Variants in GALNT13 observed in about 807,000 individuals in gnomAD.
GALNT13 encodes UDP-GalNAc:polypeptide N-acetylgalactosaminyltransferase 13.
GALNT13 carries 28 observed loss-of-function variants against 64.2 expected under a neutral mutation model. That is an observed-to-expected ratio of 0.44 (90% confidence interval 0.32 to 0.60). The LOEUF is 0.60. GALNT13 is among the 20% of genes least tolerant of loss of function. The pLI is 0.05. For missense variants in GALNT13, 577 were observed against 669.8 expected (o/e 0.86, Z 1.53); for synonymous variants, 214 against 224.6 (o/e 0.95, Z 0.42).
At chr2:153,457,615 A>C in the GALNT13 span, among the ~76,000 whole-genome samples, 3 of 152,180 alleles carry the variant, frequency 2.0e-5, no homozygotes, top group Non-Finnish European at 4.4e-5. Context: ...AAATGAGAAA[A>C]CCAAGACTCT....
chr2:153,494,815 T>C, the GALNT13 span, among the ~76,000 whole-genome samples: 1 of 151,978 alleles, frequency 6.6e-6, no homozygotes, highest in Non-Finnish European at 1.5e-5. Context: ...ACAAAAGAAG[T>C]AAGCCACATA....
chr2:154,180,444 T>A (rs994901486), intron 4 of GALNT13, among the ~76,000 whole-genome samples: 2 of 152,082 alleles, frequency 1.3e-5, no homozygotes, highest in Admixed American at 6.6e-5. Context: ...AAAATACAAA[T>A]ATTGCTGTTT....
chr2:154,066,255 C>CT (rs1479140141), intron 3 of GALNT13, among the ~76,000 whole-genome samples: 3 of 151,968 alleles, frequency 2.0e-5, no homozygotes, highest in Admixed American at 6.6e-5. Context: ...AAGGGCAAAT[C>CT]TAACAGTTAT....
At chr2:153,886,265 G>T (rs1687173612) in intron 1 of GALNT13, among the ~76,000 whole-genome samples, 1 of 151,190 alleles carries the variant, frequency 6.6e-6, no homozygotes, top group Admixed American at 6.6e-5. Flanking sequence ...ACAACGTGCA[G>T]GTTTGTTATG....
At chr2:154,064,768 G>A (rs902881760) in intron 3 of GALNT13, among the ~76,000 whole-genome samples, 4 of 152,146 alleles carry the variant, frequency 2.6e-5, no homozygotes, top group Non-Finnish European at 5.9e-5. Context: ...GTAAGACTGA[G>A]ACATGCTGGC....
chr2:153,533,723 C>CTTTTT, the GALNT13 span, among the ~76,000 whole-genome samples: 76 of 48,708 alleles, frequency 1.6e-3, 9 homozygotes, highest in African/African-American at 5.7e-3. Flanking sequence ...TGAGGTTTTT[C>CTTTTT]TTTTTTTTTT....
chr2:154,164,981 A>C (rs1334039086), intron 4 of GALNT13, among the ~76,000 whole-genome samples: 3 of 152,128 alleles, frequency 2.0e-5, no homozygotes, highest in Non-Finnish European at 4.4e-5. Flanking sequence ...GAATAACGAT[A>C]TCTTTAATAC....
chr2:153,187,085 A>C, the GALNT13 span, among the ~76,000 whole-genome samples: 1 of 152,248 alleles, frequency 6.6e-6, no homozygotes, highest in African/African-American at 2.4e-5. Context: ...ATCCAAATTT[A>C]AGCAACTTTC....
At position 154,252,794 on chromosome 2, in the gene GALNT13, A is replaced by G. The variant is rs557266796; in HGVS notation, c.858-6227A>G. On this transcript the variant is annotated intron_variant, in intron 7 of 12. Coordinates refer to ENST00000392825, the MANE Select transcript of GALNT13 (RefSeq NM_052917.4). ...AGATAGATAGATAATAGATAAGGAA[A>G]GGAGAGGAGAGAAGAGGAGAGGAGA... is the stretch of plus-strand genomic sequence containing the variant. Among the ~76,000 whole-genome samples, 13 of 152,132 alleles carry G rather than the reference A, an allele frequency of 8.5e-5. No individual in the cohort carries two copies. In the South Asian group the frequency reaches 1.4e-3, roughly 17 times the overall value.
chr2:153,403,181 C>G, the GALNT13 span, among the ~76,000 whole-genome samples: 4 of 150,144 alleles, frequency 2.7e-5, no homozygotes, highest in African/African-American at 9.8e-5. Context: ...GTTGGAGTAC[C>G]CTGCCGTGTG....
At chr2:153,676,454 A>G in the GALNT13 span, among the ~76,000 whole-genome samples, 1 of 151,996 alleles carries the variant, frequency 6.6e-6, no homozygotes, top group African/African-American at 2.4e-5. Flanking sequence ...AGTAGATACC[A>G]CTCCTACTGA....
the GALNT13 span, among the ~76,000 whole-genome samples, chr2:153,351,630 C>T: frequency 1.3e-5 from 2 of 152,176 alleles, no homozygotes; most frequent in African/African-American, 2.4e-5. Flanking sequence ...ATCTTTCTCT[C>T]CCCAACCCTT....
the GALNT13 span, among the ~76,000 whole-genome samples, chr2:153,180,212 A>G: frequency 6.6e-6 from 1 of 152,120 alleles, no homozygotes. Context: ...TCTATACCTA[A>G]TTTGTTGAAA....
At chr2:154,070,277 A>G (rs2105387473) in intron 3 of GALNT13, among the ~76,000 whole-genome samples, 1 of 152,248 alleles carries the variant, frequency 6.6e-6, no homozygotes, top group African/African-American at 2.4e-5. Flanking sequence ...CTTCCTTATT[A>G]CTAAACATGA....
At chr2:153,847,888 A>C in the GALNT13 span, among the ~76,000 whole-genome samples, 2 of 152,142 alleles carry the variant, frequency 1.3e-5, no homozygotes, top group Non-Finnish European at 2.9e-5. Context: ...GATTTTACCT[A>C]AAGGTTCAGC....
chr2:154,250,348 A>G (rs886095096), intron 7 of GALNT13, among the ~76,000 whole-genome samples: 10 of 152,064 alleles, frequency 6.6e-5, no homozygotes, highest in Non-Finnish European at 1.2e-4. Flanking sequence ...TAAATTTGAT[A>G]TATCATCAAT....
At chr2:153,442,825 C>T in the GALNT13 span, among the ~76,000 whole-genome samples, 1 of 152,170 alleles carries the variant, frequency 6.6e-6, no homozygotes, top group African/African-American at 2.4e-5. Flanking sequence ...TTGAACTTCC[C>T]GAGTGGCTTT....
At chr2:153,541,526 TC>T in the GALNT13 span, among the ~76,000 whole-genome samples, 1 of 152,134 alleles carries the variant, frequency 6.6e-6, no homozygotes, top group Non-Finnish European at 1.5e-5. Flanking sequence ...AGAACACCTT[TC>T]CCCAAAGCCA....
the GALNT13 span, among the ~76,000 whole-genome samples, chr2:153,438,532 T>A: frequency 6.6e-6 from 1 of 152,202 alleles, no homozygotes; most frequent in African/African-American, 2.4e-5. Flanking sequence ...TTTCTTTTTA[T>A]TCTTTTTTCT....
Sources: allele counts gnomAD v4.1 joint callset (sites outside exome capture counted in the v4.1 genomes callset), GRCh38; gene constraint gnomAD v4.1.1; transcripts MANE v1.5; gene names NCBI Gene and HGNC (gene_info 2026-07-23, HGNC 2026-07-21).